Variants in NALCN observed in about 807,000 individuals in gnomAD.
NALCN encodes sodium leak channel NALCN.
A neutral mutation model predicts 225.3 loss-of-function variants in NALCN; 111 were observed. The observed-to-expected ratio is 0.49, with a 90% CI of 0.42 to 0.58. The LOEUF (loss-of-function observed/expected upper bound fraction) is 0.58. Ranked by LOEUF, NALCN falls within the 20% of genes least tolerant of loss-of-function variation. The probability of loss-of-function intolerance (pLI) is 0.00; values close to 1 mark genes in which losing one functional copy is unlikely to be tolerated. For missense variants in NALCN, 1,378 were observed against 2,202.4 expected (o/e 0.63, Z 7.49); for synonymous variants, 764 against 769.0 (o/e 0.99, Z 0.11).
At chr13:101,403,436 C>G (rs770512182) in intron 1 of NALCN, among the ~76,000 whole-genome samples, 4 of 152,186 alleles carry the variant, frequency 2.6e-5, no homozygotes, top group Non-Finnish European at 4.4e-5. Context: ...CAAGCCATGT[C>G]CTCTTTGTTA....
intron 7 of NALCN, among the ~76,000 whole-genome samples, chr13:101,326,719 G>A (rs2044964892): frequency 6.6e-6 from 1 of 152,198 alleles, no homozygotes; most frequent in Non-Finnish European, 1.5e-5. Flanking sequence ...AAAATATGGT[G>A]GGTTAAAGCA....
chr13:101,338,540 T>C (rs1475012040), intron 7 of NALCN, among the ~76,000 whole-genome samples: 1 of 152,220 alleles, frequency 6.6e-6, no homozygotes, highest in Non-Finnish European at 1.5e-5. Flanking sequence ...ACCACCTGAA[T>C]AGTTTTGTTC....
intron 13 of NALCN, among the ~76,000 whole-genome samples, chr13:101,217,557 T>A (rs1317874557): frequency 1.3e-5 from 2 of 152,158 alleles, no homozygotes; most frequent in African/African-American, 4.8e-5. Flanking sequence ...TATATACTGA[T>A]AGAGTCCTAG....
At chr13:101,350,041 C>T (rs1262784152) in intron 6 of NALCN, among the ~76,000 whole-genome samples, 2 of 152,108 alleles carry the variant, frequency 1.3e-5, no homozygotes, top group Admixed American at 6.6e-5. Context: ...ATCTTTTGAG[C>T]TAATTCCATT....
chr13:101,393,312 T>C lies in NALCN; in HGVS notation c.291+1871A>G, dbSNP rs77586535. On this transcript the variant is annotated intron_variant, in intron 3 of 43. Coordinates refer to ENST00000251127, the MANE Select transcript of NALCN (RefSeq NM_052867.4). Reference sequence around the variant, plus strand: ...CAAATATCCAGAAGTCTGACATATTTTGAGGTGACCATGTGGGAAAGAAGC... The same window carrying C: ...CAAATATCCAGAAGTCTGACATATTCTGAGGTGACCATGTGGGAAAGAAGC... Among the ~76,000 whole-genome samples the C allele has an allele frequency of 3.5e-3, 540 of 152,272 alleles. 3 individuals are homozygous for C. Among genetic ancestry groups the C allele is most frequent in the African/African-American group, 0.013 (525 of 41,566 alleles).
chr13:101,100,947 T>C lies in NALCN; in HGVS notation c.3058-59A>G. ...TTAAAGACTAAATATTAGGTTTGGTTTAAACAGTGACATAAATAGGACTTC... is the reference window on the plus strand; with the variant it reads ...TTAAAGACTAAATATTAGGTTTGGTCTAAACAGTGACATAAATAGGACTTC... On this transcript the variant is annotated intron_variant, in intron 26 of 43. Coordinates refer to ENST00000251127, the MANE Select transcript of NALCN (RefSeq NM_052867.4). 3 of 1,390,362 alleles carry C rather than the reference T, an allele frequency of 2.2e-6. No homozygotes were observed. In the South Asian group the frequency reaches 4.1e-5, roughly 19 times the overall value. 86.1% of individuals were successfully genotyped at this position (1,390,362 alleles called of 1,614,324 possible).
At chr13:101,353,807 T>C (rs1027728764) in intron 6 of NALCN, among the ~76,000 whole-genome samples, 9 of 152,226 alleles carry the variant, frequency 5.9e-5, no homozygotes. Flanking sequence ...TTAAGTATTT[T>C]TTCAAATATT....
intron 13 of NALCN, among the ~76,000 whole-genome samples, chr13:101,209,718 T>G (rs995799073): frequency 5.3e-5 from 8 of 152,192 alleles, no homozygotes; most frequent in African/African-American, 1.9e-4. Context: ...GTGTTGCCTT[T>G]CCTTTCATTT....
chr13:101,287,530 T>G (rs939865366), intron 9 of NALCN, among the ~76,000 whole-genome samples: 3 of 152,228 alleles, frequency 2.0e-5, no homozygotes, highest in African/African-American at 7.2e-5. Context: ...ACATTAATAG[T>G]GCCCACTTCA....
At chr13:101,155,186 C>A (rs12872152) in intron 15 of NALCN, among the ~76,000 whole-genome samples, 42,694 of 152,042 alleles carry the variant, frequency 0.28, 6,377 homozygotes, top group Non-Finnish European at 0.33. Flanking sequence ...TATACCTTGA[C>A]CCAGCATGTT....
At chr13:101,144,725 A>G (rs769167404) in intron 16 of NALCN, 35 bp downstream of exon 16, 2 of 1,589,242 alleles carry the variant, frequency 1.3e-6, no homozygotes, top group East Asian at 4.5e-5. Flanking sequence ...TTTACAATAT[A>G]TGTGAAATAT....
At chr13:101,343,486 C>T (rs1455852914) in intron 7 of NALCN, among the ~76,000 whole-genome samples, 1 of 152,172 alleles carries the variant, frequency 6.6e-6, no homozygotes, top group African/African-American at 2.4e-5. Flanking sequence ...ACAAACATGC[C>T]TGGTTACCAA....
intron 15 of NALCN, among the ~76,000 whole-genome samples, chr13:101,151,235 G>T (rs562672293): frequency 7.9e-5 from 12 of 152,286 alleles, no homozygotes; most frequent in African/African-American, 2.9e-4. Flanking sequence ...TGCTCTGCAC[G>T]ACACATACTG....
chr13:101,276,062 CAAA>C (rs59471123), intron 10 of NALCN, among the ~76,000 whole-genome samples: 4 of 84,308 alleles, frequency 4.7e-5, no homozygotes, highest in East Asian at 1.1e-3. Context: ...GACTCCTTCT[CAAA>C]AAAAAAAAAA....
At position 101,111,296 on chromosome 13, in the gene NALCN, T is replaced by C. The variant is rs572912391; in HGVS notation, c.2193-70A>G. ...CTTGAGATGAATAACACATAAGTGC[T>C]CATTACTTTTATTATTTTAAAGGCA... On this transcript the variant is annotated intron_variant, in intron 18 of 43. Transcript: ENST00000251127. The C allele has an allele frequency of 3.2e-3, 4,048 of 1,283,224 alleles. 6 individuals are homozygous for C. The highest frequency in any genetic ancestry group is 3.9e-3 in the Non-Finnish European group (3,691 of 938,648). 79.5% of individuals were successfully genotyped at this position (1,283,224 alleles called of 1,614,324 possible). A position where few individuals can be genotyped will look rare whatever the true frequency, so the allele number is the denominator to read the frequency against.
chr13:101,400,013 C>T (rs1274137228), intron 1 of NALCN, among the ~76,000 whole-genome samples: 1 of 152,070 alleles, frequency 6.6e-6, no homozygotes, highest in East Asian at 1.9e-4. Context: ...ATCCCTGAGT[C>T]GACTGTGAGA....
chr13:101,260,355 T>C (rs1288472643), intron 10 of NALCN, among the ~76,000 whole-genome samples: 1 of 152,228 alleles, frequency 6.6e-6, no homozygotes, highest in Non-Finnish European at 1.5e-5. Flanking sequence ...TTCTCTTAGA[T>C]ATACTTATTT....
chr13:101,385,501 C>T (rs963944048), intron 3 of NALCN, among the ~76,000 whole-genome samples: 1 of 152,150 alleles, frequency 6.6e-6, no homozygotes, highest in East Asian at 1.9e-4. Context: ...CTATTTATAT[C>T]TGCAAAAAAT....
chr13:101,172,216 A>G (rs142975107), intron 15 of NALCN, among the ~76,000 whole-genome samples: 29 of 152,244 alleles, frequency 1.9e-4, no homozygotes, highest in African/African-American at 6.7e-4. Context: ...GCCCACCGAC[A>G]ATCCATCATG....
Sources: gnomAD v4.1 joint callset for allele counts (sites outside exome capture counted in the v4.1 genomes callset) on GRCh38, gnomAD v4.1.1 for gene constraint, MANE v1.5 for transcripts, NCBI Gene and HGNC (gene_info 2026-07-23, HGNC 2026-07-21) for gene names.